Variants in EDIL3 observed in about 807,000 individuals in gnomAD.
EDIL3 encodes the protein EGF like and discoidin domains 3.
EDIL3 carries 37 observed loss-of-function variants against 67.4 expected under a neutral mutation model. The observed-to-expected ratio is 0.55, with a 90% CI of 0.42 to 0.72. The LOEUF is 0.72. Ranked by LOEUF, EDIL3 falls within the 30% of genes least tolerant of loss-of-function variation. EDIL3 has a pLI of 0.00. For missense variants in EDIL3, 527 were observed against 586.3 expected (o/e 0.90, Z 1.04); for synonymous variants, 195 against 196.3 (o/e 0.99, Z 0.05).
At chr5:84,150,131 C>T (rs1183367086) in intron 4 of EDIL3, among the ~76,000 whole-genome samples, 1 of 152,088 alleles carries the variant, frequency 6.6e-6, no homozygotes, top group Non-Finnish European at 1.5e-5. Flanking sequence ...CAAAAAGGCA[C>T]ATCGTTATTA....
intron 1 of EDIL3, among the ~76,000 whole-genome samples, chr5:84,341,672 T>G (rs1259759891): frequency 6.6e-6 from 1 of 151,780 alleles, no homozygotes; most frequent in Non-Finnish European, 1.5e-5. Flanking sequence ...CAAATTAATC[T>G]AACCTAAAAT....
rs1746423473 is a variant in EDIL3 at position 84,055,365 on chromosome 5, A to T, written c.1137+4935T>A. On this transcript the variant is annotated intron_variant, in intron 9 of 10. Coordinates refer to ENST00000296591, the MANE Select transcript of EDIL3 (RefSeq NM_005711.5). ...AAAACCATAAAAACCCGAGAAGAAA[A>T]CCTAGGCTATACCATTCAGGACATA... Among the ~76,000 whole-genome samples, 2 of 146,328 alleles carry T rather than the reference A, an allele frequency of 1.4e-5. 1 individual carries two copies. The highest frequency in any genetic ancestry group is 5.4e-5 in the African/African-American group (2 of 37,196).
At chr5:83,949,377 C>G (rs1744367972) in intron 10 of EDIL3, among the ~76,000 whole-genome samples, 1 of 151,652 alleles carries the variant, frequency 6.6e-6, no homozygotes, top group South Asian at 2.1e-4. Flanking sequence ...TAAAGTAGAG[C>G]CAAAGACAAT....
chr5:84,158,985 C>G (rs1028068320), intron 4 of EDIL3, among the ~76,000 whole-genome samples: 13 of 151,968 alleles, frequency 8.6e-5, no homozygotes, highest in African/African-American at 2.9e-4. Flanking sequence ...ACCCATAAAA[C>G]TATTCCCTGT....
chr5:84,087,712 T>C (rs1363980117), intron 6 of EDIL3, among the ~76,000 whole-genome samples: 2 of 152,166 alleles, frequency 1.3e-5, no homozygotes, highest in Non-Finnish European at 2.9e-5. Flanking sequence ...TCTTACATAG[T>C]CTAATTACTA....
chr5:84,294,561 T>G (rs561818253), intron 1 of EDIL3, among the ~76,000 whole-genome samples: 37 of 152,156 alleles, frequency 2.4e-4, no homozygotes, highest in African/African-American at 8.2e-4. Flanking sequence ...CATACATATA[T>G]ACATATATAC....
At chr5:83,949,299 C>T (rs906523495) in intron 10 of EDIL3, among the ~76,000 whole-genome samples, 6 of 151,418 alleles carry the variant, frequency 4.0e-5, no homozygotes, top group Admixed American at 2.0e-4. Context: ...CATAACTAAC[C>T]GAAACAATTT....
At chr5:84,309,342 C>CT (rs1242771330) in intron 1 of EDIL3, among the ~76,000 whole-genome samples, 3 of 37,382 alleles carry the variant, frequency 8.0e-5, no homozygotes, top group African/African-American at 2.2e-4. Flanking sequence ...GATTTCTTTT[C>CT]TTTTTTTTTA....
At chr5:84,254,007 A>C in intron 2 of EDIL3, 77 bp downstream of exon 2, 1 of 1,453,648 alleles carries the variant, frequency 6.9e-7, no homozygotes, top group Non-Finnish European at 9.2e-7. Context: ...TAATCTCCAT[A>C]ATGCACCACA....
At chr5:84,309,589 C>T (rs1247483779) in intron 1 of EDIL3, among the ~76,000 whole-genome samples, 6 of 150,708 alleles carry the variant, frequency 4.0e-5, no homozygotes, top group Non-Finnish European at 7.4e-5. Context: ...CGAGAATATA[C>T]GGTGTTTGGT....
chr5:84,316,704 G>C (rs1166724192), intron 1 of EDIL3, among the ~76,000 whole-genome samples: 3 of 152,052 alleles, frequency 2.0e-5, no homozygotes, highest in Non-Finnish European at 4.4e-5. Flanking sequence ...AGATCAACGA[G>C]ACAGAAAATT....
intron 5 of EDIL3, among the ~76,000 whole-genome samples, chr5:84,110,543 CA>C (rs1417887689): frequency 6.6e-6 from 1 of 152,136 alleles, no homozygotes; most frequent in Admixed American, 6.5e-5. Context: ...ATGAAGTAAT[CA>C]ATGTCAGATG....
At chr5:84,254,062 A>G in intron 2 of EDIL3, 22 bp downstream of exon 2, 1 of 1,570,690 alleles carries the variant, frequency 6.4e-7, no homozygotes, top group Non-Finnish European at 8.6e-7. Context: ...TAACTACTGA[A>G]ATACTTAAAT....
rs190765433 is a variant in EDIL3, at chr5:83,945,777, A to G, written c.1294-2209T>C. On this transcript the variant is annotated intron_variant, in intron 10 of 10. Coordinates refer to ENST00000296591, the MANE Select transcript of EDIL3 (RefSeq NM_005711.5). ...TTTGCATGTTCACTTAAAAAAAGTGAAGTTTCACGAAACAGGATGATTAAT... is the reference window on the plus strand; with the variant it reads ...TTTGCATGTTCACTTAAAAAAAGTGGAGTTTCACGAAACAGGATGATTAAT... Among the ~76,000 whole-genome samples, 5 of 152,142 alleles carry G rather than the reference A, an allele frequency of 3.3e-5. No individual in the cohort carries two copies. The East Asian group carries it at 7.8e-4, about 24-fold the overall frequency.
intron 5 of EDIL3, among the ~76,000 whole-genome samples, chr5:84,117,298 G>A (rs34817407): frequency 0.24 from 36,668 of 151,696 alleles, 4,660 homozygotes; most frequent in East Asian, 0.34. Context: ...CCAAAGTGCT[G>A]GGATTACAAG....
At chr5:84,295,207 C>T (rs1580060676) in intron 1 of EDIL3, among the ~76,000 whole-genome samples, 2 of 152,050 alleles carry the variant, frequency 1.3e-5, no homozygotes, top group Admixed American at 6.6e-5. Context: ...GATTACATAA[C>T]TTTTAAAAAT....
intron 4 of EDIL3, among the ~76,000 whole-genome samples, chr5:84,148,182 T>A (rs1192707958): frequency 6.6e-6 from 1 of 152,168 alleles, no homozygotes; most frequent in Non-Finnish European, 1.5e-5. Flanking sequence ...CATATTCATA[T>A]TGTTTGATAG....
At chr5:84,267,596 C>T (rs1745375300) in intron 1 of EDIL3, among the ~76,000 whole-genome samples, 1 of 152,118 alleles carries the variant, frequency 6.6e-6, no homozygotes, top group African/African-American at 2.4e-5. Context: ...TGAATGGCCA[C>T]AGCATATGAA....
chr5:84,161,784 G>A (rs1748617413), intron 4 of EDIL3, among the ~76,000 whole-genome samples: 1 of 151,892 alleles, frequency 6.6e-6, no homozygotes, highest in Non-Finnish European at 1.5e-5. Flanking sequence ...TCACAGTCTG[G>A]GTCACAATGG....
Sources: gnomAD v4.1 joint callset for allele counts (sites outside exome capture counted in the v4.1 genomes callset) on GRCh38, gnomAD v4.1.1 for gene constraint, MANE v1.5 for transcripts, NCBI Gene and HGNC (gene_info 2026-07-23, HGNC 2026-07-21) for gene names.